Variants in SLC35D4 observed in about 807,000 individuals in gnomAD.
SLC35D4 encodes the protein solute carrier family 35 member D4.
the SLC35D4 span, among the ~76,000 whole-genome samples, chr18:23,265,954 C>G: frequency 6.6e-5 from 10 of 152,052 alleles, no homozygotes; most frequent in African/African-American, 1.9e-4. Context: ...GCTGCCTTCT[C>G]CATGAAATCA....
chr18:23,292,927 G>A, the SLC35D4 span, among the ~76,000 whole-genome samples: 14 of 152,162 alleles, frequency 9.2e-5, no homozygotes, highest in Non-Finnish European at 4.4e-5. Context: ...CCTGGGCCCA[G>A]TGTAGATGAA....
the SLC35D4 span, among the ~76,000 whole-genome samples, chr18:23,407,544 G>T: frequency 6.6e-6 from 1 of 151,200 alleles, no homozygotes; most frequent in Non-Finnish European, 1.5e-5. Flanking sequence ...ACAAAAGCAG[G>T]TAATTCTGTC....
At chr18:23,434,089 C>A in the SLC35D4 span, among the ~76,000 whole-genome samples, 2 of 152,154 alleles carry the variant, frequency 1.3e-5, no homozygotes, top group African/African-American at 4.8e-5. Flanking sequence ...CAGAAGGGAG[C>A]ATCACCATCC....
the SLC35D4 span, among the ~76,000 whole-genome samples, chr18:23,437,604 G>T: frequency 6.6e-6 from 1 of 152,162 alleles, no homozygotes; most frequent in African/African-American, 2.4e-5. Context: ...GACAGTACAG[G>T]CTGGCAAATC....
the SLC35D4 span, among the ~76,000 whole-genome samples, chr18:23,248,164 A>G: frequency 6.6e-6 from 1 of 152,186 alleles, no homozygotes; most frequent in African/African-American, 2.4e-5. Context: ...GGGGTCCTCT[A>G]AATAAAAATG....
the SLC35D4 span, chr18:23,297,944 G>A: frequency 2.2e-3 from 3,509 of 1,580,810 alleles, 5 homozygotes; most frequent in Non-Finnish European, 2.8e-3. Flanking sequence ...CCAGGGGCTC[G>A]TACACAGGTG....
the SLC35D4 span, among the ~76,000 whole-genome samples, chr18:23,248,832 AAAG>A: frequency 4.6e-5 from 7 of 152,212 alleles, no homozygotes; most frequent in African/African-American, 7.2e-5. Flanking sequence ...TCTCAACAAA[AAAG>A]AAGAAGAAAG....
At chr18:23,253,887 C>G in the SLC35D4 span, 12 of 1,614,128 alleles carry the variant, frequency 7.4e-6, no homozygotes, top group Non-Finnish European at 1.0e-5. Context: ...CTGTTAGCAG[C>G]CAAAATTGGA....
chr18:23,348,347 T>C, the SLC35D4 span, among the ~76,000 whole-genome samples: 3 of 152,228 alleles, frequency 2.0e-5, no homozygotes, highest in African/African-American at 7.2e-5. Flanking sequence ...GTTATGTCAA[T>C]TGGTTGATAG....
At chr18:23,419,115 T>C in the SLC35D4 span, among the ~76,000 whole-genome samples, 1 of 152,188 alleles carries the variant, frequency 6.6e-6, no homozygotes, top group African/African-American at 2.4e-5. Context: ...TCAGCTGGGA[T>C]GTTTACTTTA....
the SLC35D4 span, among the ~76,000 whole-genome samples, chr18:23,372,400 TCTC>T: frequency 1.3e-5 from 2 of 152,186 alleles, no homozygotes; most frequent in Non-Finnish European, 2.9e-5. Context: ...CCTGCTTTCT[TCTC>T]CTGGCTAACT....
chr18:23,322,100 AT>A, the SLC35D4 span, among the ~76,000 whole-genome samples: 1 of 152,158 alleles, frequency 6.6e-6, no homozygotes, highest in Non-Finnish European at 1.5e-5. Context: ...TGTTTATCTG[AT>A]TGTACATTTA....
chr18:23,270,992 G>A, the SLC35D4 span, among the ~76,000 whole-genome samples: 8 of 152,164 alleles, frequency 5.3e-5, no homozygotes, highest in Non-Finnish European at 1.0e-4. Flanking sequence ...GGGAGGGGCC[G>A]GGGTGGAATA....
chr18:23,295,928 T>G, the SLC35D4 span: 1 of 152,174 alleles, frequency 6.6e-6, no homozygotes, highest in Admixed American at 6.5e-5. Flanking sequence ...GGTAAGGTAT[T>G]TGAAACATCT....
chr18:23,269,485 T>A, the SLC35D4 span, among the ~76,000 whole-genome samples: 6 of 152,166 alleles, frequency 3.9e-5, no homozygotes, highest in African/African-American at 1.4e-4. Flanking sequence ...TTATTAGCAG[T>A]GTGAGAATGG....
At chr18:23,334,576 A>G in the SLC35D4 span, among the ~76,000 whole-genome samples, 1 of 152,190 alleles carries the variant, frequency 6.6e-6, no homozygotes, top group Non-Finnish European at 1.5e-5. Context: ...AACAAGCACA[A>G]TTTGCTCGTA....
chr18:23,365,443 G>A, the SLC35D4 span, among the ~76,000 whole-genome samples: 27 of 152,236 alleles, frequency 1.8e-4, no homozygotes, highest in African/African-American at 6.0e-4. Context: ...AACAAGAAGG[G>A]GTAAGAATAA....
the SLC35D4 span, among the ~76,000 whole-genome samples, chr18:23,335,762 T>A: frequency 1.3e-5 from 2 of 152,168 alleles, no homozygotes; most frequent in African/African-American, 4.8e-5. Context: ...CAAGCACACA[T>A]CAATTCATCC....
chr18:23,309,803 T>G, the SLC35D4 span: 1 of 1,529,108 alleles, frequency 6.5e-7, no homozygotes, highest in Admixed American at 1.7e-5. Context: ...AAACCTCCAA[T>G]GTCATTTTTT....
Sources: gnomAD v4.1 joint callset for allele counts (sites outside exome capture counted in the v4.1 genomes callset) on GRCh38, gnomAD v4.1.1 for gene constraint, MANE v1.5 for transcripts, NCBI Gene and HGNC (gene_info 2026-07-23, HGNC 2026-07-21) for gene names.